SOX6: variants seen among roughly 807,000 people sequenced by gnomAD.
SOX6 encodes the protein SRY-box transcription factor 6, also known as transcription factor SOX-6.
In SOX6, 11 loss-of-function variants were observed where a neutral mutation model predicts 97.8. The ratio of observed to expected loss-of-function variants is 0.11; its 90% confidence interval spans 0.07 to 0.19. The LOEUF (loss-of-function observed/expected upper bound fraction) is 0.19. SOX6 is among the 10% of genes least tolerant of loss of function. The probability of loss-of-function intolerance (pLI) is 1.00; values close to 1 mark genes in which losing one functional copy is unlikely to be tolerated. For synonymous variants in SOX6, 360 were observed against 371.4 expected (o/e 0.97, Z 0.35); for missense variants, 810 against 1,039.5 (o/e 0.78, Z 3.04).
At chr11:16,042,133 G>C (rs548957320) in intron 12 of SOX6, among the ~76,000 whole-genome samples, 2 of 152,266 alleles carry the variant, frequency 1.3e-5, no homozygotes, top group South Asian at 4.1e-4. Context: ...GACTCAGAGA[G>C]GTTAAATAAT....
In SOX6 at chr11:16,014,962, G is replaced by C. The variant is rs1854838827; in HGVS notation, c.1712C>G (p.Thr571Ser). The C allele has an allele frequency of 6.2e-7, 1 of 1,612,898 alleles. No individual in the cohort carries two copies. Among genetic ancestry groups the C allele is most frequent in the South Asian group, 1.1e-5 (1 of 91,070 alleles). Reference protein sequence around the residue: ...GKLGPGVIDLTRPEDAEGSKA... With the variant: ...GKLGPGVIDLSRPEDAEGSKA... ...CTCACCCTCTGCATCTTCTGGCCGA[G>C]TAAGGTCGATGACACCTGGGCCCAG... Residue 571 changes from threonine (T) to serine (S), a missense_variant, in exon 13 of 16, where the codon ACT (threonine) becomes AGT (serine). Coordinates refer to ENST00000683767, the MANE Select transcript of SOX6 (RefSeq NM_001367873.1).
chr11:16,235,729 T>A (rs1208734192), intron 3 of SOX6, among the ~76,000 whole-genome samples: 1 of 152,126 alleles, frequency 6.6e-6, no homozygotes, highest in Non-Finnish European at 1.5e-5. Flanking sequence ...CCTTTCATTT[T>A]TTATTTTCTC....
chr11:16,046,931 T>C (rs1348864136), intron 11 of SOX6, among the ~76,000 whole-genome samples: 1 of 152,168 alleles, frequency 6.6e-6, no homozygotes, highest in African/African-American at 2.4e-5. Context: ...CCTACCTGGA[T>C]TCTGTCTACT....
intron 2 of SOX6, among the ~76,000 whole-genome samples, chr11:16,731,111 C>G (rs947493056): frequency 6.6e-6 from 1 of 152,000 alleles, no homozygotes; most frequent in Admixed American, 6.6e-5. Flanking sequence ...AATTAATAGC[C>G]TACCAACAAA....
At chr11:16,105,842 T>A (rs1849065521) in intron 7 of SOX6, among the ~76,000 whole-genome samples, 1 of 152,118 alleles carries the variant, frequency 6.6e-6, no homozygotes, top group Non-Finnish European at 1.5e-5. Flanking sequence ...CTAGAATTAA[T>A]AAATTCAGCA....
At chr11:16,239,416 CA>C (rs1264604516) in intron 3 of SOX6, among the ~76,000 whole-genome samples, 2 of 151,962 alleles carry the variant, frequency 1.3e-5, no homozygotes, top group Admixed American at 1.3e-4. Flanking sequence ...GGGAAGCTGA[CA>C]GAAAGACAGC....
chr11:16,653,014 A>T (rs147061958), intron 3 of SOX6, among the ~76,000 whole-genome samples: 1,608 of 152,326 alleles, frequency 0.011, 20 homozygotes, highest in African/African-American at 0.037. Context: ...TATGAAAAAA[A>T]TGCTCAATAT....
chr11:16,369,060 G>C (rs1302862958), intron 1 of SOX6, among the ~76,000 whole-genome samples: 1 of 151,964 alleles, frequency 6.6e-6, no homozygotes, highest in Non-Finnish European at 1.5e-5. Context: ...GCGAGACTCT[G>C]TTCTCCACAA....
At chr11:16,737,517 T>TA (rs60393896) in intron 1 of SOX6, among the ~76,000 whole-genome samples, 46,211 of 146,760 alleles carry the variant, frequency 0.31, 8,328 homozygotes, top group Non-Finnish European at 0.42. Flanking sequence ...AATTTTTGCT[T>TA]AAAAAAAAAA....
At chr11:16,384,394 T>C (rs1051390565) in intron 1 of SOX6, among the ~76,000 whole-genome samples, 20 of 151,910 alleles carry the variant, frequency 1.3e-4, no homozygotes, top group African/African-American at 4.8e-4. Flanking sequence ...GGTATTAAAA[T>C]AATATAACAT....
intron 1 of SOX6, among the ~76,000 whole-genome samples, chr11:16,444,615 G>T (rs1245005840): frequency 6.6e-6 from 1 of 152,124 alleles, no homozygotes; most frequent in Non-Finnish European, 1.5e-5. Flanking sequence ...AAACAAGTTA[G>T]TCCCCTTCCC....
chr11:16,306,317 A>G (rs1294509788), intron 3 of SOX6, among the ~76,000 whole-genome samples: 1 of 152,242 alleles, frequency 6.6e-6, no homozygotes, highest in Non-Finnish European at 1.5e-5. Flanking sequence ...AAAAAAGAGC[A>G]AACAGCATAA....
chr11:16,594,902 A>G (rs757485701), intron 4 of SOX6, among the ~76,000 whole-genome samples: 10 of 151,984 alleles, frequency 6.6e-5, no homozygotes, highest in Non-Finnish European at 1.2e-4. Context: ...CGTGTTAGCC[A>G]GGATGGTCTC....
intron 3 of SOX6, among the ~76,000 whole-genome samples, chr11:16,710,116 A>C (rs115686543): frequency 0.011 from 1,748 of 152,318 alleles, 26 homozygotes; most frequent in African/African-American, 0.04. Context: ...TCCTATTAGA[A>C]TTAATGAAAA....
At chr11:16,355,416 A>G (rs1280033644) in intron 1 of SOX6, among the ~76,000 whole-genome samples, 2 of 152,106 alleles carry the variant, frequency 1.3e-5, no homozygotes, top group Admixed American at 6.6e-5. Flanking sequence ...TGCACTTGCC[A>G]ATCATCAATT....
intron 13 of SOX6, among the ~76,000 whole-genome samples, chr11:16,000,530 T>C (rs1854373683): frequency 1.3e-5 from 2 of 152,270 alleles, no homozygotes; most frequent in African/African-American, 4.8e-5. Context: ...CCTGTGGTAC[T>C]TTAATTAAAG....
chr11:16,204,424 G>T (rs939706851), intron 4 of SOX6, among the ~76,000 whole-genome samples: 1 of 152,086 alleles, frequency 6.6e-6, no homozygotes, highest in Admixed American at 6.6e-5. Context: ...ACATGTGGGG[G>T]TGTGGTGTGT....
chr11:16,097,444 T>C (rs1848828438), intron 8 of SOX6, among the ~76,000 whole-genome samples, 165 bp downstream of exon 8: 1 of 151,854 alleles, frequency 6.6e-6, no homozygotes, highest in Admixed American at 6.6e-5. Flanking sequence ...AAACTGGCAG[T>C]TTTCTCTTCT....
chr11:16,514,037 C>T (rs1475269219), intron 4 of SOX6, among the ~76,000 whole-genome samples: 1 of 151,984 alleles, frequency 6.6e-6, no homozygotes, highest in Admixed American at 6.6e-5. Flanking sequence ...AACAGTGAGA[C>T]CTCCGTCTCT....
Sources: gnomAD v4.1 joint callset for allele counts (sites outside exome capture counted in the v4.1 genomes callset) on GRCh38, gnomAD v4.1.1 for gene constraint, MANE v1.5 for transcripts, NCBI Gene and HGNC (gene_info 2026-07-23, HGNC 2026-07-21) for gene names.